Variants in SCN1A observed in about 807,000 individuals in gnomAD.
SCN1A encodes the protein sodium channel protein type 1 subunit alpha.
SCN1A carries 13 observed loss-of-function variants against 193.7 expected under a neutral mutation model. The observed-to-expected ratio is 0.07, with a 90% confidence interval of 0.04 to 0.11. SCN1A has a LOEUF of 0.11. Ranked by LOEUF, SCN1A falls within the 10% of genes least tolerant of loss-of-function variation. SCN1A has a pLI of 1.00. For synonymous variants in SCN1A, 781 were observed against 843.6 expected, an observed-to-expected ratio of 0.93 and a Z score of 1.29; for missense variants, 1,432 against 2,451.1, an observed-to-expected ratio of 0.58 and a Z score of 8.78.
At position 165,996,030 on chromosome 2, in the gene SCN1A, G is replaced by C; in HGVS notation, c.4564C>G (p.Pro1522Ala). 2 of 1,605,824 alleles carry C rather than the reference G, an allele frequency of 1.2e-6. No individual in the cohort carries two copies. Among genetic ancestry groups the C allele is most frequent in the Non-Finnish European group, 1.7e-6 (2 of 1,173,596 alleles). The change falls in exon 27 of 29, where the codon CCT becomes GCT. Residue 1522 changes from proline to alanine, a missense_variant. By Grantham distance (27) the Pro-to-Ala change is conservative. Around this residue, in one of 18 missense-constraint regions of SCN1A, gnomAD observed 85 missense variants for 119.1 expected, o/e 0.71. Coordinates refer to ENST00000674923, the MANE Select transcript of SCN1A (RefSeq NM_001165963.4). The part of the protein sequence containing the change: ...KKLGSKKPQK[P>A]IPRPGNKFQG... Reference sequence around the variant, plus strand: ...CTTCTTACTCCTGGTCGAGGTATAGGCTTTTGCGGTTTTTTCGATCCTAAT... The same window carrying C: ...CTTCTTACTCCTGGTCGAGGTATAGCCTTTTGCGGTTTTTTCGATCCTAAT...
chr2:165,995,967 G>T, intron 27 of SCN1A, 46 bp downstream of exon 27: 1 of 1,287,726 alleles, frequency 7.8e-7, no homozygotes, highest in Non-Finnish European at 1.1e-6. Context: ...AAGCATGCAA[G>T]TTTTTGTTTT....
intron 24 of SCN1A, among the ~76,000 whole-genome samples, chr2:166,000,593 C>T (rs1249670191): frequency 6.6e-6 from 1 of 151,688 alleles, no homozygotes; most frequent in Non-Finnish European, 1.5e-5. Flanking sequence ...CACAATATAT[C>T]TTTGTTCTGA....
At chr2:166,120,968 T>C (rs562343) in intron 2 of SCN1A, among the ~76,000 whole-genome samples, 141,584 of 151,782 alleles carry the variant, frequency 0.93, 66,303 homozygotes, top group East Asian at 0.98. Context: ...AGTTTTCCTA[T>C]ATGGGGATAG....
intron 2 of SCN1A, among the ~76,000 whole-genome samples, chr2:166,121,943 A>C (rs1285185608): frequency 6.6e-6 from 1 of 152,198 alleles, no homozygotes; most frequent in Non-Finnish European, 1.5e-5. Flanking sequence ...TTAAAAGAAG[A>C]TGAAATTTAG....
chr2:166,025,323 C>T (rs1030398204), intron 19 of SCN1A, among the ~76,000 whole-genome samples: 2 of 152,194 alleles, frequency 1.3e-5, no homozygotes, highest in African/African-American at 4.8e-5. Context: ...CCTGCCAGCT[C>T]ATGGCCCAGA....
chr2:166,088,090 G>T (rs1389410214), intron 2 of SCN1A, among the ~76,000 whole-genome samples: 2 of 150,328 alleles, frequency 1.3e-5, no homozygotes, highest in African/African-American at 2.4e-5. Flanking sequence ...GTGTGTAAGG[G>T]TATGAGCTAC....
At chr2:166,025,548 A>G (rs1030086457) in intron 19 of SCN1A, among the ~76,000 whole-genome samples, 1 of 152,152 alleles carries the variant, frequency 6.6e-6, no homozygotes, top group African/African-American at 2.4e-5. Flanking sequence ...CATAAATGTA[A>G]TGTAATTAAA....
intron 1 of SCN1A, among the ~76,000 whole-genome samples, chr2:166,143,571 A>G (rs1219766956): frequency 6.6e-6 from 1 of 152,174 alleles, no homozygotes; most frequent in African/African-American, 2.4e-5. Flanking sequence ...ACCTTTACTT[A>G]TCTTCAATAA....
chr2:166,058,799 C>A, intron 4 of SCN1A, 111 bp from the exon 5 acceptor site: 1 of 702,392 alleles, frequency 1.4e-6, no homozygotes, highest in Admixed American at 2.1e-5. Context: ...AATGAGAAAC[C>A]AGCACAATCA....
intron 9 of SCN1A, among the ~76,000 whole-genome samples, chr2:166,051,169 G>C (rs1698516546): frequency 6.6e-6 from 1 of 151,930 alleles, no homozygotes; most frequent in Non-Finnish European, 1.5e-5. Context: ...TCCAAATGAT[G>C]ATAAAATAGA....
In SCN1A at chr2:166,051,830, C is replaced by A. The variant is rs777386001; in HGVS notation, c.853G>T (p.Ala285Ser). ...NKCIQWPPTN[A>S]SLEEHSIEKN... ...TCTATACTATGTTCCTCCAAGGAAG[C>A]ATTGGTGGGAGGCCATTGTATACAT... Residue 285 changes from alanine to serine, a missense_variant, in exon 9 of 29, where the codon GCT (alanine) becomes TCT (serine). Physicochemically the swap from Ala to Ser is moderately conservative, Grantham distance 99. This residue lies in a region of SCN1A where 52 missense variants were observed against 59.6 expected (regional missense o/e 0.87). Coordinates refer to ENST00000674923, the MANE Select transcript of SCN1A (RefSeq NM_001165963.4). 1.2e-6 allele frequency: 2 copies of A among 1,612,592 alleles called. No individual in the cohort carries two copies. The highest frequency in any genetic ancestry group is 4.5e-5 in the East Asian group (2 of 44,838).
intron 2 of SCN1A, among the ~76,000 whole-genome samples, chr2:166,078,118 T>C (rs1366915154): frequency 2.6e-5 from 4 of 151,768 alleles, no homozygotes; most frequent in Non-Finnish European, 5.9e-5. Context: ...TGCAAACCCA[T>C]AGAATGTACA....
At chr2:166,022,123 T>C (rs968560030) in intron 19 of SCN1A, among the ~76,000 whole-genome samples, 3 of 151,958 alleles carry the variant, frequency 2.0e-5, no homozygotes, top group Admixed American at 1.3e-4. Context: ...AAAACCATAA[T>C]TGAATCAAAA....
chr2:166,044,257 A>G (rs1378060831), intron 13 of SCN1A, among the ~76,000 whole-genome samples: 1 of 152,090 alleles, frequency 6.6e-6, no homozygotes, highest in East Asian at 1.9e-4. Context: ...GGGATTAAAG[A>G]ATGAGGAGAT....
intron 23 of SCN1A, among the ~76,000 whole-genome samples, chr2:166,004,988 A>T (rs532376350): frequency 6.6e-6 from 1 of 151,598 alleles, no homozygotes; most frequent in South Asian, 2.1e-4. Flanking sequence ...GGCATATGAG[A>T]AAAATGAGGT....
At chr2:166,095,598 C>A (rs1687288952) in intron 2 of SCN1A, among the ~76,000 whole-genome samples, 1 of 152,148 alleles carries the variant, frequency 6.6e-6, no homozygotes, top group Non-Finnish European at 1.5e-5. Flanking sequence ...AATAAAAGAG[C>A]CTTATTGGTT....
intron 1 of SCN1A, among the ~76,000 whole-genome samples, chr2:166,134,164 T>G (rs1263515802): frequency 6.6e-6 from 1 of 152,168 alleles, no homozygotes; most frequent in African/African-American, 2.4e-5. Flanking sequence ...TGAGAAATTG[T>G]GGAGCTGGAA....
intron 19 of SCN1A, chr2:166,016,054 G>A: frequency 3.3e-6 from 1 of 305,016 alleles, no homozygotes; most frequent in South Asian, 3.5e-5. Flanking sequence ...GGAAGAGAAA[G>A]GGAAAAGGAG....
chr2:166,059,694 C>G (rs1683078976), intron 4 of SCN1A, among the ~76,000 whole-genome samples: 1 of 152,042 alleles, frequency 6.6e-6, no homozygotes, highest in Non-Finnish European at 1.5e-5. Context: ...TTTTCTAAGC[C>G]TTAGGATGCA....
Sources: allele counts gnomAD v4.1 joint callset (sites outside exome capture counted in the v4.1 genomes callset), GRCh38; gene constraint gnomAD v4.1.1; regional missense constraint gnomAD v4.1.1; transcripts MANE v1.5; gene names NCBI Gene and HGNC (gene_info 2026-07-23, HGNC 2026-07-21).